Variants in SLFN12L observed in about 807,000 individuals in gnomAD.
The protein encoded by SLFN12L is schlafen family member 12-like.
Under a neutral mutation model 34.8 loss-of-function variants are expected in SLFN12L, and 34 were observed. The ratio of observed to expected loss-of-function variants is 0.98; its 90% confidence interval spans 0.74 to 1.30. The LOEUF is 1.30. Among genes scored for constraint, SLFN12L ranks in the 50% most tolerant of loss-of-function variants. SLFN12L has a pLI of 0.00. For missense variants in SLFN12L, 703 were observed against 696.2 expected, an observed-to-expected ratio of 1.01 and a Z score of -0.11; for synonymous variants, 259 against 247.5, an observed-to-expected ratio of 1.05 and a Z score of -0.44.
chr17:35,498,506 T>A, intron 2 of SLFN12L: 1 of 1,221,540 alleles, frequency 8.2e-7, no homozygotes, highest in Non-Finnish European at 1.2e-6. Flanking sequence ...CTCTCCTTTA[T>A]CCTCTCTTTG....
intron 2 of SLFN12L, among the ~76,000 whole-genome samples, chr17:35,496,943 C>T (rs2142146432): frequency 6.6e-6 from 1 of 152,336 alleles, no homozygotes; most frequent in East Asian, 1.9e-4. Context: ...TGTAGGCGCA[C>T]ATAATTACCT....
At chr17:35,520,088 C>CCTACA (rs1457207895) in intron 2 of SLFN12L, among the ~76,000 whole-genome samples, 1 of 152,160 alleles carries the variant, frequency 6.6e-6, no homozygotes, top group Non-Finnish European at 1.5e-5. Context: ...GTCACGCGTC[C>CCTACA]CTACACTTAA....
At chr17:35,507,906 A>G (rs1047464846) in intron 2 of SLFN12L, among the ~76,000 whole-genome samples, 1 of 152,180 alleles carries the variant, frequency 6.6e-6, no homozygotes, top group South Asian at 2.1e-4. Flanking sequence ...AAAGAGGGGG[A>G]ATAAGGGAGG....
intron 1 of SLFN12L, among the ~76,000 whole-genome samples, chr17:35,528,588 G>A (rs1351791786): frequency 1.8e-4 from 27 of 152,132 alleles, no homozygotes; most frequent in Non-Finnish European, 2.9e-5. Flanking sequence ...AACAAGCAAT[G>A]GGGAAAGGAT....
chr17:35,530,408 A>G (rs1370252768), intron 1 of SLFN12L, among the ~76,000 whole-genome samples: 134 of 10,630 alleles, frequency 0.013, 10 homozygotes, highest in African/African-American at 0.036. Context: ...GAAGGAAGGA[A>G]GGAAGGAAGG....
chr17:35,503,968 A>T (rs1221610177), intron 2 of SLFN12L, among the ~76,000 whole-genome samples: 2 of 152,228 alleles, frequency 1.3e-5, no homozygotes, highest in Non-Finnish European at 2.9e-5. Flanking sequence ...TCCCAGGAGA[A>T]AACCCTACAA....
chr17:35,481,577 C>T (rs776757999), intron 2 of SLFN12L, among the ~76,000 whole-genome samples: 1 of 152,270 alleles, frequency 6.6e-6, no homozygotes, highest in African/African-American at 2.4e-5. Flanking sequence ...ACCCAAGTGA[C>T]CTTACCTATC....
chr17:35,488,316 AG>A (rs1914689681), intron 2 of SLFN12L, among the ~76,000 whole-genome samples: 1 of 152,242 alleles, frequency 6.6e-6, no homozygotes, highest in South Asian at 2.1e-4. Flanking sequence ...AGTTGACGCC[AG>A]AAACCGGGGG....
intron 2 of SLFN12L, among the ~76,000 whole-genome samples, chr17:35,508,347 T>TGCA (rs1487899980): frequency 3.3e-5 from 5 of 152,306 alleles, no homozygotes; most frequent in South Asian, 2.1e-4. Context: ...TGGTTTTGTC[T>TGCA]GCAGCTCATC....
chr17:35,483,228 T>C (rs1004316293), intron 2 of SLFN12L, among the ~76,000 whole-genome samples: 2 of 152,200 alleles, frequency 1.3e-5, no homozygotes, highest in Non-Finnish European at 2.9e-5. Context: ...TTCCATGGGA[T>C]GACCTGCCTA....
Position 35,475,579 on chromosome 17 carries a change from CCAAAAG to C in SLFN12L, c.1277-100_1277-95del, listed in dbSNP as rs112512032. ...AGCTTGTATTAGATTAATTCTCCCACCAAAAGCAACTATAAAAGCTATGTAAAAGTG... is the reference window on the plus strand; with the variant it reads ...AGCTTGTATTAGATTAATTCTCCCACCAACTATAAAAGCTATGTAAAAGTG... On this transcript the variant is annotated intron_variant, in intron 4 of 4. Transcript: ENST00000628453. 76 of 1,445,096 alleles carry C rather than the reference CCAAAAG, an allele frequency of 5.3e-5. 2 individuals are homozygous for C. The African/African-American group carries it at 6.7e-4, about 13-fold the overall frequency. The allele number at this position is 1,445,096 out of a possible 1,614,324, so 89.5% of individuals were successfully genotyped here.
chr17:35,491,270 A>C, intron 2 of SLFN12L: 1 of 893,386 alleles, frequency 1.1e-6, no homozygotes. Context: ...CTCCTTAAAA[A>C]CCAATTTTTT....
At chr17:35,534,392 G>A (rs2142181573) in intron 1 of SLFN12L, among the ~76,000 whole-genome samples, 1 of 152,282 alleles carries the variant, frequency 6.6e-6, no homozygotes, top group East Asian at 1.9e-4. Context: ...GAAGCCATTG[G>A]AGGTTGTTAA....
chr17:35,484,637 G>A (rs569840864), intron 2 of SLFN12L, among the ~76,000 whole-genome samples: 16 of 152,284 alleles, frequency 1.1e-4, no homozygotes, highest in Non-Finnish European at 2.1e-4. Flanking sequence ...GTGGCTGTGG[G>A]GTTGTCCTAG....
At chr17:35,500,968 C>A (rs1019274260) in intron 2 of SLFN12L, among the ~76,000 whole-genome samples, 11 of 152,156 alleles carry the variant, frequency 7.2e-5, no homozygotes, top group African/African-American at 2.7e-4. Context: ...TCGGGGAGCT[C>A]GGTTTTTGGA....
At chr17:35,481,237 C>T (rs1914324267) in intron 2 of SLFN12L, among the ~76,000 whole-genome samples, 1 of 152,126 alleles carries the variant, frequency 6.6e-6, no homozygotes, top group African/African-American at 2.4e-5. Flanking sequence ...CTTAGCAGAC[C>T]GGGAAGGGGA....
chr17:35,482,394 G>A, intron 2 of SLFN12L, among the ~76,000 whole-genome samples: 1 of 152,212 alleles, frequency 6.6e-6, no homozygotes, highest in Non-Finnish European at 1.5e-5. Context: ...GGGGCAGCTA[G>A]GGCTGCACAC....
rs759173707 is a variant in SLFN12L at position 35,479,487 on chromosome 17, A to T, written c.795T>A (p.Pro265=). The part of the protein sequence containing the change: ...KLLQRITEIL[P]QYVSAFANTD... ...TATTTGCAAATGCAGAAACATATTG[A>T]GGGAGAATCTCTGTAATTCGTTGTA... Residue 265 remains proline, a synonymous_variant, in exon 3 of 5, where the codon CCT becomes CCA. Transcript: ENST00000628453. The T allele has an allele frequency of 3.7e-5, 59 of 1,614,214 alleles. No individual in the cohort carries two copies. In the African/African-American group the frequency reaches 6.9e-4, roughly 19 times the overall value.
In SLFN12L at chr17:35,491,293, C is replaced by T. The variant is rs114096921; in HGVS notation, c.87-11098G>A. 3.8e-3 allele frequency: 2,669 copies of T among 702,584 alleles called. 60 individuals are homozygous for T. In the African/African-American group the frequency reaches 0.041, roughly 11 times the overall value. The allele number at this position is 702,584 out of a possible 1,614,324, so 43.5% of individuals were successfully genotyped here. A position where few individuals can be genotyped will look rare whatever the true frequency, so the allele number is the denominator to read the frequency against. On this transcript the variant is annotated intron_variant, in intron 2 of 4. Coordinates refer to ENST00000628453, the MANE Select transcript of SLFN12L (RefSeq NM_001363830.2). ...AAACCAATTTTTTTAAATCATGGAA[C>T]CAGAACATATGTCATGCAATGTTGT... is the stretch of plus-strand genomic sequence containing the variant.
Sources: allele counts gnomAD v4.1 joint callset (sites outside exome capture counted in the v4.1 genomes callset), GRCh38; gene constraint gnomAD v4.1.1; transcripts MANE v1.5; gene names NCBI Gene and HGNC (gene_info 2026-07-23, HGNC 2026-07-21).